IFT140: variants seen among roughly 807,000 people sequenced by gnomAD.
IFT140 encodes intraflagellar transport protein 140 homolog.
IFT140 carries 133 observed loss-of-function variants against 164.6 expected under a neutral mutation model. That is an observed-to-expected ratio of 0.81 (90% confidence interval 0.70 to 0.93). The LOEUF is 0.93. Ranked by LOEUF, IFT140 falls within the 40% of genes least tolerant of loss-of-function variation. The pLI is 0.00. For missense variants in IFT140, 2,045 were observed against 1,972.3 expected (o/e 1.04, Z -0.70); for synonymous variants, 860 against 817.3 (o/e 1.05, Z -0.89).
At chr16:1,572,850 G>GT (rs2034094366) in intron 13 of IFT140, among the ~76,000 whole-genome samples, 1 of 152,214 alleles carries the variant, frequency 6.6e-6, no homozygotes, top group Admixed American at 6.5e-5. Flanking sequence ...AGCATCACAA[G>GT]TGAGTGGCAC....
At chr16:1,583,166 C>G in intron 12 of IFT140, 148 bp downstream of exon 12, 2 of 742,904 alleles carry the variant, frequency 2.7e-6, no homozygotes, top group Non-Finnish European at 4.8e-6. Context: ...ACAGCTGCAG[C>G]CCTGGCTCTG....
chr16:1,553,731 C>T lies in IFT140; in HGVS notation c.2399+4204G>A. The T allele has an allele frequency of 8.8e-7, 1 of 1,137,108 alleles. No individual in the cohort carries two copies. Among genetic ancestry groups the T allele is most frequent in the Non-Finnish European group, 1.1e-6 (1 of 913,166 alleles). The allele number at this position is 1,137,108 out of a possible 1,614,324, so 70.4% of individuals were successfully genotyped here. ...CCTCCAGGACAATCTGTGGCCACAT[C>T]CCCATGGCTGTAGGGGATGAGGAGG... On this transcript the variant is annotated intron_variant, in intron 19 of 30. Transcript: ENST00000426508. The surrounding 1 kb of genome is among the most constrained non-coding windows in gnomAD (Gnocchi z 4.4).
intron 4 of IFT140, 88 bp from the exon 5 acceptor site, chr16:1,592,676 G>C: frequency 4.3e-6 from 6 of 1,384,994 alleles, no homozygotes; most frequent in Non-Finnish European, 5.8e-6. Context: ...GCGACTGGTG[G>C]TGGGACAGGT....
At chr16:1,606,830 GCACA>G (rs150810644) in intron 3 of IFT140, among the ~76,000 whole-genome samples, 1 of 151,110 alleles carries the variant, frequency 6.6e-6, no homozygotes, top group Non-Finnish European at 1.5e-5. Flanking sequence ...CGCACCACAC[GCACA>G]CACACACACG....
rs142224579 is a variant in IFT140, at chr16:1,520,290, C to T, written c.3714G>A (p.Ala1238=). ...AGATTTCCTTCTGCCTGGACACGCTCGCGAAGAACGTGATTTTCTCCGTGT... is the reference window on the plus strand; with the variant it reads ...AGATTTCCTTCTGCCTGGACACGCTTGCGAAGAACGTGATTTTCTCCGTGT... ...SGDTEKITFF[A]SVSRQKEIYI... Residue 1238 remains alanine (A), a synonymous_variant, in exon 28 of 31, where the codon GCG becomes GCA. Coordinates refer to ENST00000426508, the MANE Select transcript of IFT140 (RefSeq NM_014714.4). 9 of 1,614,080 alleles carry T rather than the reference C, an allele frequency of 5.6e-6. No individual in the cohort carries two copies. Among genetic ancestry groups the T allele is most frequent in the African/African-American group, 4.0e-5 (3 of 74,924 alleles).
chr16:1,592,146 C>A, intron 6 of IFT140, 30 bp downstream of exon 6: 1 of 1,613,332 alleles, frequency 6.2e-7, no homozygotes, highest in Non-Finnish European at 8.5e-7. Flanking sequence ...AATGCTAGGA[C>A]CCCTGAGAAT....
intron 4 of IFT140, among the ~76,000 whole-genome samples, chr16:1,596,536 G>C (rs866933547): frequency 6.6e-6 from 1 of 152,138 alleles, no homozygotes; most frequent in South Asian, 2.1e-4. Context: ...AGTTTAGAGC[G>C]CCTGCGCCCA....
At chr16:1,588,858 A>T (rs1355007380) in intron 7 of IFT140, among the ~76,000 whole-genome samples, 1 of 152,020 alleles carries the variant, frequency 6.6e-6, no homozygotes, top group East Asian at 1.9e-4. Flanking sequence ...CCTGGGGTGG[A>T]TGAGCCCTGG....
Position 1,564,080 on chromosome 16 carries a change from CA to C in IFT140, c.1983del (p.Phe661LeufsTer33). ...HFWDQSEPRL[F>X]VCEAVQETPR... is the part of the protein sequence containing the mutation. ...GGCGTCTCCTGCACGGCTTCGCATA[CA>C]AACAGCCGGGGCTCACTCTGGTCCC... is the stretch of plus-strand genomic sequence containing the variant. On this transcript the variant is annotated frameshift_variant, in exon 17 of 31. Coordinates refer to ENST00000426508, the MANE Select transcript of IFT140 (RefSeq NM_014714.4). LOFTEE classifies it high-confidence loss of function. The surrounding 1 kb of genome is among the most constrained non-coding windows in gnomAD (Gnocchi z 5.5). The C allele has an allele frequency of 1.9e-6, 3 of 1,604,994 alleles. No individual in the cohort carries two copies. Among genetic ancestry groups the C allele is most frequent in the Non-Finnish European group, 2.6e-6 (3 of 1,172,914 alleles).
intron 3 of IFT140, among the ~76,000 whole-genome samples, chr16:1,603,954 T>C (rs566225322): frequency 1.3e-5 from 2 of 152,360 alleles, no homozygotes; most frequent in South Asian, 4.1e-4. Flanking sequence ...GTTTTCCTTG[T>C]GCCAACTGGA....
chr16:1,526,288 C>T (rs2040693103), intron 20 of IFT140: 3 of 601,878 alleles, frequency 5.0e-6, no homozygotes, highest in East Asian at 2.9e-5. Context: ...AGGGGTACCC[C>T]ACCTCCCACA....
At chr16:1,560,670 C>G (rs2033355774) in intron 18 of IFT140, among the ~76,000 whole-genome samples, 1 of 152,214 alleles carries the variant, frequency 6.6e-6, no homozygotes, top group African/African-American at 2.4e-5. Flanking sequence ...GAATGTCCCT[C>G]TGGGGTCTAC....
chr16:1,559,508 C>A (rs553668777), intron 18 of IFT140, among the ~76,000 whole-genome samples: 13 of 152,180 alleles, frequency 8.5e-5, no homozygotes, highest in Non-Finnish European at 1.3e-4. Flanking sequence ...TGAACAAGGG[C>A]AGCGTTAACA....
intron 4 of IFT140, 45 bp downstream of exon 4, chr16:1,602,325 A>C: frequency 6.5e-7 from 1 of 1,543,090 alleles, no homozygotes; most frequent in Non-Finnish European, 8.9e-7. Context: ...GCATGGTCAG[A>C]AAGGGTCAAG....
In IFT140 at chr16:1,518,243, G is replaced by C; in HGVS notation, c.4155C>G (p.His1385Gln). Residue 1385 changes from histidine to glutamine, a missense_variant, in exon 30 of 31, where the codon CAC becomes CAG. His to Gln is a conservative substitution (Grantham distance 24). Coordinates refer to ENST00000426508, the MANE Select transcript of IFT140 (RefSeq NM_014714.4). Reference protein sequence around the residue: ...IGDVYGFLVEHYVRKEEYQTA... With the variant: ...IGDVYGFLVEQYVRKEEYQTA... ...TCTGGTATTCCTCCTTCCGCACGTA[G>C]TGCTCCACCAGGAAGCCATAGACGT... 6.2e-7 allele frequency: 1 copy of C among 1,614,048 alleles called. No individual in the cohort carries two copies. Among genetic ancestry groups the C allele is most frequent in the Admixed American group, 1.7e-5 (1 of 60,022 alleles).
At chr16:1,519,051 C>T (rs1381556550) in intron 29 of IFT140, among the ~76,000 whole-genome samples, 2 of 152,224 alleles carry the variant, frequency 1.3e-5, no homozygotes, top group Admixed American at 1.3e-4. Context: ...CCTCCACCCA[C>T]GTCCTGTGCT....
At chr16:1,526,871 G>A (rs2040718141) in intron 19 of IFT140, 75 bp from the exon 20 acceptor site, 2 of 1,456,186 alleles carry the variant, frequency 1.4e-6, no homozygotes, top group Admixed American at 2.3e-5. Flanking sequence ...CCCTTCTCCT[G>A]GGGCAAGTAG....
intron 19 of IFT140, chr16:1,542,117 CT>C (rs1567349117): frequency 6.6e-7 from 1 of 1,523,774 alleles, no homozygotes. Flanking sequence ...CCCTTGCCCC[CT>C]GTGGCCTTCT....
chr16:1,564,974 C>T lies in IFT140; in HGVS notation c.1902-812G>A, dbSNP rs373099851. ...GGCGAGTGCCATGCTCCAGACAAGG[C>T]GGCTCTGAGGCCCAGAGAGCCCGGG... is the stretch of plus-strand genomic sequence containing the variant. On this transcript the variant is annotated intron_variant, in intron 16 of 30. Transcript: ENST00000426508. The surrounding 1 kb of genome is among the most constrained non-coding windows in gnomAD (Gnocchi z 5.5). Among the ~76,000 whole-genome samples, 155 of 152,280 alleles carry T rather than the reference C, an allele frequency of 1.0e-3. No homozygotes were observed. Among genetic ancestry groups the T allele is most frequent in the African/African-American group, 3.4e-3 (142 of 41,558 alleles).
Sources: allele counts gnomAD v4.1 joint callset (sites outside exome capture counted in the v4.1 genomes callset), GRCh38; gene constraint gnomAD v4.1.1; non-coding constraint Gnocchi (gnomAD v3.1); transcripts MANE v1.5; gene names NCBI Gene and HGNC (gene_info 2026-07-23, HGNC 2026-07-21).